Variants in CDH12 observed in about 807,000 individuals in gnomAD.
CDH12 encodes the protein cadherin-12.
A neutral mutation model predicts 74.1 loss-of-function variants in CDH12; 41 were observed. That is an observed-to-expected ratio of 0.55 (90% CI 0.43 to 0.72). The LOEUF (loss-of-function observed/expected upper bound fraction) is 0.72, where lower values mean the gene tolerates loss of function less well. Among genes scored for constraint, CDH12 ranks in the 30% least tolerant of loss-of-function variants. The pLI, the probability that CDH12 is intolerant of heterozygous loss-of-function variation, is 0.00. For synonymous variants in CDH12, 399 were observed against 355.0 expected (o/e 1.12, Z -1.39); for missense variants, 945 against 977.2 (o/e 0.97, Z 0.44).
chr5:22,585,613 C>T (rs964653556), intron 1 of CDH12, among the ~76,000 whole-genome samples: 5 of 152,076 alleles, frequency 3.3e-5, no homozygotes, highest in African/African-American at 1.2e-4. Flanking sequence ...TTTTGTCTCT[C>T]TGTGTTCATT....
chr5:22,681,893 T>C (rs1741511870), intron 1 of CDH12, among the ~76,000 whole-genome samples: 1 of 152,062 alleles, frequency 6.6e-6, no homozygotes, highest in African/African-American at 2.4e-5. Flanking sequence ...AATTTACTTA[T>C]AATAGTTATC....
Position 21,854,534 on chromosome 5 carries a change from C to T in CDH12, c.646+137G>A, listed in dbSNP as rs1579839906. 7 of 535,802 alleles carry T rather than the reference C, an allele frequency of 1.3e-5. No individual in the cohort carries two copies. The East Asian group carries it at 2.2e-4, about 17-fold the overall frequency. 33.2% of individuals were successfully genotyped at this position (535,802 alleles called of 1,614,324 possible). On this transcript the variant is annotated intron_variant, in intron 7 of 14. Coordinates refer to ENST00000382254, the MANE Select transcript of CDH12 (RefSeq NM_004061.5). ...CGTTCTTCAGCAGCAAGGAAAGATC[C>T]CATCTTCTTTGCTTAATGCGCATCG...
chr5:22,277,080 A>G (rs907273079), intron 3 of CDH12, among the ~76,000 whole-genome samples: 11 of 152,178 alleles, frequency 7.2e-5, no homozygotes, highest in African/African-American at 2.7e-4. Flanking sequence ...TCAAGACCCT[A>G]TGCTCTGTCA....
At chr5:22,098,336 C>T (rs1561107591) in intron 4 of CDH12, among the ~76,000 whole-genome samples, 1 of 152,274 alleles carries the variant, frequency 6.6e-6, no homozygotes, top group East Asian at 1.9e-4. Flanking sequence ...TCCCAAACCC[C>T]AATCCCTTCT....
At chr5:22,206,683 A>G (rs886446053) in intron 4 of CDH12, among the ~76,000 whole-genome samples, 2 of 132,356 alleles carry the variant, frequency 1.5e-5, no homozygotes, top group Non-Finnish European at 3.4e-5. Context: ...CCACTGCAAA[A>G]AAAAAAAAAA....
intron 6 of CDH12, among the ~76,000 whole-genome samples, chr5:21,867,335 A>G (rs1751384019): frequency 6.6e-6 from 1 of 152,174 alleles, no homozygotes; most frequent in South Asian, 2.1e-4. Context: ...AGCCTGGGGG[A>G]CAAGAGTGAG....
At chr5:22,732,305 C>A (rs1744466333) in intron 1 of CDH12, among the ~76,000 whole-genome samples, 1 of 151,774 alleles carries the variant, frequency 6.6e-6, no homozygotes, top group African/African-American at 2.4e-5. Context: ...TGTTTATGGT[C>A]CACTCTAATG....
chr5:22,340,084 A>C (rs1045605014), intron 3 of CDH12, among the ~76,000 whole-genome samples: 1 of 152,196 alleles, frequency 6.6e-6, no homozygotes, highest in Non-Finnish European at 1.5e-5. Context: ...TTATGCTTAC[A>C]TAGTGTCTTC....
intron 3 of CDH12, among the ~76,000 whole-genome samples, chr5:22,345,099 C>T (rs939727748): frequency 1.3e-5 from 2 of 152,218 alleles, no homozygotes; most frequent in Non-Finnish European, 2.9e-5. Context: ...TAACAGCGCA[C>T]TGCAACATTG....
In CDH12 at chr5:22,711,749, G is replaced by A. The variant is rs374272700; in HGVS notation, c.-523+141309C>T. Among the ~76,000 whole-genome samples the A allele has an allele frequency of 2.6e-5, 4 of 151,940 alleles. No individual in the cohort carries two copies. The East Asian group carries it at 7.7e-4, about 29-fold the overall frequency. On this transcript the variant is annotated intron_variant, in intron 1 of 14. Transcript: ENST00000382254. ...TTTAGGGAAAAATAAAACATGTTGT[G>A]AAATAACAAAGGAGAAATTAAGAGT... is the stretch of plus-strand genomic sequence containing the variant.
At chr5:21,879,191 A>T (rs375148007) in intron 6 of CDH12, among the ~76,000 whole-genome samples, 3 of 152,108 alleles carry the variant, frequency 2.0e-5, no homozygotes, top group Non-Finnish European at 4.4e-5. Flanking sequence ...TTCACACTAT[A>T]AAAAAAACTT....
intron 1 of CDH12, among the ~76,000 whole-genome samples, chr5:22,551,628 T>G (rs1161549334): frequency 6.6e-6 from 1 of 152,118 alleles, no homozygotes; most frequent in Non-Finnish European, 1.5e-5. Flanking sequence ...TTTATCAGTG[T>G]TCATGTTTAT....
At chr5:21,872,796 A>G (rs1751699684) in intron 6 of CDH12, among the ~76,000 whole-genome samples, 1 of 142,200 alleles carries the variant, frequency 7.0e-6, no homozygotes, top group South Asian at 2.2e-4. Context: ...CTATCTATCT[A>G]TCTATCTATC....
chr5:21,806,065 A>G (rs1412294012), intron 9 of CDH12, among the ~76,000 whole-genome samples: 1 of 152,184 alleles, frequency 6.6e-6, no homozygotes, highest in African/African-American at 2.4e-5. Flanking sequence ...AACCACAACT[A>G]TAGAGAAATG....
chr5:22,680,648 T>C (rs1418240648), intron 1 of CDH12, among the ~76,000 whole-genome samples: 1 of 152,062 alleles, frequency 6.6e-6, no homozygotes, highest in Non-Finnish European at 1.5e-5. Context: ...ACAACCATAT[T>C]TGTATTATAT....
intron 2 of CDH12, among the ~76,000 whole-genome samples, chr5:22,461,247 C>G (rs1431212094): frequency 6.6e-6 from 1 of 151,606 alleles, no homozygotes. Flanking sequence ...AGGGTGGTCT[C>G]GAACTCCTGA....
intron 1 of CDH12, among the ~76,000 whole-genome samples, chr5:22,698,688 T>G (rs1742513979): frequency 1.6e-4 from 1 of 6,368 alleles, no homozygotes; most frequent in Non-Finnish European, 2.9e-4. Context: ...TATATATATA[T>G]ATATATATAT....
At chr5:22,079,082 GTGCA>G in intron 4 of CDH12, among the ~76,000 whole-genome samples, 1 of 152,222 alleles carries the variant, frequency 6.6e-6, no homozygotes, top group East Asian at 1.9e-4. Context: ...GAAGCAAAAG[GTGCA>G]TTATAAACAG....
intron 1 of CDH12, among the ~76,000 whole-genome samples, chr5:22,554,736 T>C (rs1738725771): frequency 6.6e-6 from 1 of 152,086 alleles, no homozygotes; most frequent in Admixed American, 6.6e-5. Context: ...TTACTATCAC[T>C]ACTGACTCCA....
Sources: gnomAD v4.1 joint callset for allele counts (sites outside exome capture counted in the v4.1 genomes callset) on GRCh38, gnomAD v4.1.1 for gene constraint, MANE v1.5 for transcripts, NCBI Gene and HGNC (gene_info 2026-07-23, HGNC 2026-07-21) for gene names.